Variants in ADGRL3 observed in about 807,000 individuals in gnomAD.
ADGRL3 encodes the protein adhesion G protein-coupled receptor L3, also known as calcium-independent alpha-latrotoxin receptor 3.
ADGRL3 carries 62 observed loss-of-function variants against 153.5 expected under a neutral mutation model. That is an observed-to-expected ratio of 0.40 (90% CI 0.33 to 0.50). The LOEUF (loss-of-function observed/expected upper bound fraction) is 0.50. ADGRL3 is among the 20% of genes least tolerant of loss of function. The probability of loss-of-function intolerance (pLI) is 0.47; values close to 1 mark genes in which losing one functional copy is unlikely to be tolerated. For synonymous variants in ADGRL3, 710 were observed against 672.5 expected (o/e 1.06, Z -0.86); for missense variants, 1,641 against 1,859.4 (o/e 0.88, Z 2.16).
intron 2 of ADGRL3, among the ~76,000 whole-genome samples, chr4:61,484,737 T>C (rs1037146372): frequency 1.3e-5 from 2 of 152,198 alleles, no homozygotes; most frequent in African/African-American, 4.8e-5. Flanking sequence ...AATAATTAGG[T>C]ATAATTATGA....
intron 8 of ADGRL3, among the ~76,000 whole-genome samples, chr4:61,760,294 A>G (rs1396051249): frequency 1.3e-5 from 2 of 152,148 alleles, no homozygotes; most frequent in East Asian, 1.9e-4. Flanking sequence ...CTTGAGCTGC[A>G]GTGGGCTCCA....
chr4:61,503,151 T>C (rs2152834223), intron 3 of ADGRL3, among the ~76,000 whole-genome samples: 1 of 152,320 alleles, frequency 6.6e-6, no homozygotes, highest in Non-Finnish European at 1.5e-5. Context: ...TTACTTTATG[T>C]GTAAGAATTT....
chr4:61,391,881 A>G (rs1288292781), intron 2 of ADGRL3, among the ~76,000 whole-genome samples: 1 of 105,876 alleles, frequency 9.4e-6, no homozygotes, highest in African/African-American at 3.6e-5. Context: ...TTTTTTTGAG[A>G]TGGAGTCTGG....
chr4:61,747,988 C>T (rs1317869564), intron 8 of ADGRL3, among the ~76,000 whole-genome samples: 1 of 151,968 alleles, frequency 6.6e-6, no homozygotes, highest in Admixed American at 6.6e-5. Flanking sequence ...TCTCCTTAAG[C>T]TGATAAGCAA....
chr4:61,885,801 A>C (rs1245328473), intron 9 of ADGRL3, among the ~76,000 whole-genome samples: 3 of 152,208 alleles, frequency 2.0e-5, no homozygotes, highest in South Asian at 2.1e-4. Context: ...TATTTAATTT[A>C]ACCTATTTCA....
At chr4:61,280,459 G>A (rs1546380) in intron 1 of ADGRL3, among the ~76,000 whole-genome samples, 40,110 of 151,706 alleles carry the variant, frequency 0.26, 5,619 homozygotes, top group South Asian at 0.39. Flanking sequence ...GCTGTAAAAG[G>A]TGTTACTTCT....
rs145289474 is a variant in ADGRL3 at position 61,247,773 on chromosome 4, A to T, written c.-240+46008A>T. The stretch of plus-strand genomic sequence containing the variant: ...TGAGAAATTGTTATTTTCCTTTCTT[A>T]GATATTAAAATGATACTCAAAGGTA... On this transcript the variant is annotated intron_variant, in intron 1 of 26. Transcript: ENST00000683033. Among the ~76,000 whole-genome samples the T allele has an allele frequency of 9.9e-5, 15 of 152,142 alleles. No homozygotes were observed. The Middle Eastern group carries it at 0.017, about 172-fold the overall frequency.
At chr4:62,040,575 ATCTC>A (rs1329233881) in intron 24 of ADGRL3, among the ~76,000 whole-genome samples, 2 of 152,070 alleles carry the variant, frequency 1.3e-5, no homozygotes, top group East Asian at 1.9e-4. Context: ...TAAAATAACT[ATCTC>A]TATATATTAT....
intron 8 of ADGRL3, among the ~76,000 whole-genome samples, chr4:61,779,071 A>C (rs2097184655): frequency 6.6e-6 from 1 of 152,134 alleles, no homozygotes; most frequent in East Asian, 1.9e-4. Flanking sequence ...AAAAAAAAAA[A>C]TCACTTGTAG....
At chr4:61,643,223 G>C (rs1423055834) in intron 5 of ADGRL3, among the ~76,000 whole-genome samples, 2 of 152,134 alleles carry the variant, frequency 1.3e-5, no homozygotes, top group Middle Eastern at 3.4e-3. Flanking sequence ...ATACAATCAT[G>C]TTGTCTGCAA....
At chr4:62,065,070 A>T (rs756045556) in intron 25 of ADGRL3, among the ~76,000 whole-genome samples, 1 of 152,008 alleles carries the variant, frequency 6.6e-6, no homozygotes, top group Non-Finnish European at 1.5e-5. Flanking sequence ...GGCCCATCCC[A>T]CCTCAGAATC....
chr4:61,844,643 G>A (rs1581108980), intron 9 of ADGRL3, among the ~76,000 whole-genome samples: 3 of 120,448 alleles, frequency 2.5e-5, no homozygotes, highest in African/African-American at 3.2e-5. Context: ...TGACTAAAAC[G>A]AATAATCGTA....
In ADGRL3 at chr4:61,813,822, T is replaced by C. The variant is rs894986617; in HGVS notation, c.1413T>C (p.His471=). Residue 471 remains histidine (H), a synonymous_variant, in exon 9 of 27, where the codon CAT becomes CAC. Transcript: ENST00000683033. ...PLDSRSGQAH[H]GQVSYISPPI... ...TTGGGTCCACAGGGCAGGCACATCA[T>C]GGACAAGTTTCATACATTTCTCCGC... 1 of 1,580,110 alleles carries C rather than the reference T, an allele frequency of 6.3e-7. No individual in the cohort carries two copies. Among genetic ancestry groups the C allele is most frequent in the Admixed American group, 1.7e-5 (1 of 59,956 alleles).
intron 1 of ADGRL3, among the ~76,000 whole-genome samples, chr4:61,228,881 G>A (rs1749201867): frequency 6.6e-6 from 1 of 152,006 alleles, no homozygotes; most frequent in Non-Finnish European, 1.5e-5. Flanking sequence ...TAGTAGAGAT[G>A]GGGTTTCACC....
chr4:61,837,651 T>C (rs1581076248), intron 9 of ADGRL3, among the ~76,000 whole-genome samples: 1 of 152,254 alleles, frequency 6.6e-6, no homozygotes, highest in East Asian at 1.9e-4. Context: ...CTCATATTTT[T>C]AGAAGTTCTG....
chr4:61,208,324 G>A (rs968815671), intron 1 of ADGRL3, among the ~76,000 whole-genome samples: 3 of 152,080 alleles, frequency 2.0e-5, no homozygotes, highest in Non-Finnish European at 4.4e-5. Flanking sequence ...ATTTTTAATG[G>A]ATTTAACAAT....
chr4:62,044,570 A>C, intron 25 of ADGRL3, 21 bp downstream of exon 25: 1 of 1,468,546 alleles, frequency 6.8e-7, no homozygotes, highest in Non-Finnish European at 9.3e-7. Flanking sequence ...ATAATTTTTC[A>C]TATTTATTAC....
At chr4:62,016,741 T>A (rs542308528) in intron 21 of ADGRL3, among the ~76,000 whole-genome samples, 8 of 152,274 alleles carry the variant, frequency 5.3e-5, no homozygotes, top group African/African-American at 9.6e-5. Context: ...TTGTCTTTTT[T>A]AATTAGAATT....
intron 3 of ADGRL3, among the ~76,000 whole-genome samples, chr4:61,507,751 C>T (rs1372127100): frequency 3.9e-5 from 6 of 152,084 alleles, no homozygotes; most frequent in African/African-American, 1.4e-4. Context: ...CAGCTGTCTT[C>T]AGAAATGCCA....
Sources: gnomAD v4.1 joint callset for allele counts (sites outside exome capture counted in the v4.1 genomes callset) on GRCh38, gnomAD v4.1.1 for gene constraint, MANE v1.5 for transcripts, NCBI Gene and HGNC (gene_info 2026-07-23, HGNC 2026-07-21) for gene names.